SIAE: variants seen among roughly 807,000 people sequenced by gnomAD.
The protein encoded by SIAE is sialic acid acetylesterase.
SIAE carries 39 observed loss-of-function variants against 52.6 expected under a neutral mutation model. The observed-to-expected ratio is 0.74, with a 90% CI of 0.57 to 0.97. The LOEUF is 0.97. SIAE is among the 50% of genes least tolerant of loss of function. The pLI is 0.00. For synonymous variants in SIAE, 233 were observed against 241.4 expected, an observed-to-expected ratio of 0.97 and a Z score of 0.32; for missense variants, 592 against 662.1, an observed-to-expected ratio of 0.89 and a Z score of 1.16.
At position 124,660,688 on chromosome 11, in the gene SIAE, G is replaced by T. The variant is rs1565416173; in HGVS notation, c.345C>A (p.Val115=). The T allele has an allele frequency of 6.2e-7, 1 of 1,614,140 alleles. No homozygotes were observed. Among genetic ancestry groups the T allele is most frequent in the South Asian group, 1.1e-5 (1 of 91,074 alleles). ...KINFTLRVHD[V]LFGDVWLCSG... ...TACAGAGCCAGACATCTCCAAACAG[G>T]ACGTCATGAACTCTCAGGGTGAAGT... is the stretch of plus-strand genomic sequence containing the variant. The change falls in exon 3 of 10, where the codon GTC becomes GTA. Residue 115 remains valine (V), a synonymous_variant. Coordinates refer to ENST00000263593, the MANE Select transcript of SIAE (RefSeq NM_170601.5).
chr11:124,669,344 A>C lies in SIAE; in HGVS notation c.229+16T>G, dbSNP rs749500359. ...CAGAAGAGGGCAATAGCTGAACGGA[A>C]GATGGGCTGCCTTACCTTTCACACT... On this transcript the variant is annotated intron_variant, in intron 2 of 9. Transcript: ENST00000263593. The C allele has an allele frequency of 2.0e-5, 33 of 1,613,962 alleles. No homozygotes were observed. Among genetic ancestry groups the C allele is most frequent in the Non-Finnish European group, 2.7e-5 (32 of 1,179,956 alleles).
At chr11:124,655,562 C>T (rs949089926) in intron 3 of SIAE, among the ~76,000 whole-genome samples, 7 of 152,102 alleles carry the variant, frequency 4.6e-5, no homozygotes, top group African/African-American at 1.7e-4. Context: ...CCATACCACA[C>T]AAGAGAAGCA....
At chr11:124,638,819 G>A in intron 8 of SIAE, 82 bp from the exon 9 acceptor site, 1 of 1,087,688 alleles carries the variant, frequency 9.2e-7, no homozygotes, top group Non-Finnish European at 1.4e-6. Context: ...ATTATACAAA[G>A]CACCCTTTAT....
At position 124,635,828 on chromosome 11, in the gene SIAE, C is replaced by G. The variant is rs1942720751; in HGVS notation, c.*1123G>C. On this transcript the variant is annotated 3_prime_UTR_variant, in exon 10 of 10. Coordinates refer to ENST00000263593, the MANE Select transcript of SIAE (RefSeq NM_170601.5). ...TTATGCTTTTATTTATTTCCAACTT[C>G]TTATAGGTAACATAATTTTCAGACA... 1 of 152,148 alleles carries G rather than the reference C, an allele frequency of 6.6e-6. No homozygotes were observed. Among genetic ancestry groups the G allele is most frequent in the Non-Finnish European group, 1.5e-5 (1 of 68,026 alleles). The allele number at this position is 152,148 out of a possible 1,614,324, so 9.4% of individuals were successfully genotyped here. A position where few individuals can be genotyped will look rare whatever the true frequency, so the allele number is the denominator to read the frequency against.
upstream of SIAE, chr11:124,675,436 A>T (rs770934856): frequency 3.2e-5 from 51 of 1,599,602 alleles, no homozygotes; most frequent in Non-Finnish European, 4.3e-5. Context: ...TTCTAAAATT[A>T]GTCATTTTTT....
rs747856625 is a variant in SIAE at position 124,647,361 on chromosome 11, G to T, written c.966+4C>A. Reference sequence around the variant, plus strand: ...GAACAGAGAAGCCTTTACCCACATCGTACCTGGACAAGTCCAAATGGGAAG... The same window carrying T: ...GAACAGAGAAGCCTTTACCCACATCTTACCTGGACAAGTCCAAATGGGAAG... On this transcript the variant is annotated splice_donor_region_variant and intron_variant, in intron 7 of 9. Coordinates refer to ENST00000263593, the MANE Select transcript of SIAE (RefSeq NM_170601.5). 2 of 1,614,130 alleles carry T rather than the reference G, an allele frequency of 1.2e-6. No homozygotes were observed. The highest frequency in any genetic ancestry group is 2.2e-5 in the South Asian group (2 of 91,078).
chr11:124,647,268 C>A, intron 7 of SIAE, 97 bp downstream of exon 7: 12 of 1,531,984 alleles, frequency 7.8e-6, no homozygotes, highest in Non-Finnish European at 1.1e-5. Flanking sequence ...GAAAGAGATC[C>A]AAATAGCACA....
intron 7 of SIAE, 101 bp from the exon 8 acceptor site, chr11:124,639,968 T>C: frequency 7.3e-7 from 1 of 1,362,024 alleles, no homozygotes; most frequent in Non-Finnish European, 1.0e-6. Context: ...TGCATTTAAA[T>C]GCTCATTCAA....
rs1242448289 is a variant in SIAE, at chr11:124,639,753, C to T, written c.1081G>A (p.Ala361Thr). 7 of 1,614,068 alleles carry T rather than the reference C, an allele frequency of 4.3e-6. No individual in the cohort carries two copies. The highest frequency in any genetic ancestry group is 5.9e-6 in the Non-Finnish European group (7 of 1,180,028). Reference sequence around the variant, plus strand: ...CTATCACAGAGATCCATAGCTACAGCCATGAAAGTATTGGGCATCTTTGGG... The same window carrying T: ...CTATCACAGAGATCCATAGCTACAGTCATGAAAGTATTGGGCATCTTTGGG... Reference protein sequence around the residue: ...PNPKMPNTFMAVAMDLCDRDS... With the variant: ...PNPKMPNTFMTVAMDLCDRDS... The change falls in exon 8 of 10, where the codon GCT becomes ACT. Residue 361 changes from alanine to threonine, a missense_variant. Coordinates refer to ENST00000263593, the MANE Select transcript of SIAE (RefSeq NM_170601.5).
chr11:124,660,826 A>G, intron 2 of SIAE, 23 bp from the exon 3 acceptor site: 1 of 1,613,066 alleles, frequency 6.2e-7, no homozygotes, highest in South Asian at 1.1e-5. Flanking sequence ...CAGGACTCCA[A>G]GGAATTAATC....
Position 124,669,341 on chromosome 11 carries a change from G to A in SIAE, c.229+19C>T, listed in dbSNP as rs80315344. 8,825 of 1,613,936 alleles carry A rather than the reference G, an allele frequency of 5.5e-3. 380 individuals are homozygous for A. The East Asian group carries it at 0.12, about 22-fold the overall frequency. ...TGGCAGAAGAGGGCAATAGCTGAAC[G>A]GAAGATGGGCTGCCTTACCTTTCAC... On this transcript the variant is annotated intron_variant, in intron 2 of 9. Coordinates refer to ENST00000263593, the MANE Select transcript of SIAE (RefSeq NM_170601.5).
intron 2 of SIAE, among the ~76,000 whole-genome samples, chr11:124,668,673 A>G (rs777264019): frequency 1.3e-5 from 2 of 152,214 alleles, no homozygotes; most frequent in Non-Finnish European, 2.9e-5. Flanking sequence ...TGGAGATGTT[A>G]TATTACATGT....
At chr11:124,658,262 A>ACACACAC (rs750343749) in intron 3 of SIAE, among the ~76,000 whole-genome samples, 4 of 150,972 alleles carry the variant, frequency 2.6e-5, no homozygotes, top group African/African-American at 9.9e-5. Context: ...ACACACACAC[A>ACACACAC]GAAGGACAGA....
rs535844068 is a variant in SIAE at position 124,654,686 on chromosome 11, C to T, written c.513G>A (p.Ala171=). The T allele has an allele frequency of 8.0e-5, 129 of 1,614,142 alleles. 2 individuals are homozygous for T. In the South Asian group the frequency reaches 1.2e-3, roughly 15 times the overall value. ...QAEQELEDLV[A]VDLQWSKPTS... ...TGGGCTTAGACCACTGCAAGTCAACCGCAACAAGGTCCTCCAGCTCCTGCT... is the reference window on the plus strand; with the variant it reads ...TGGGCTTAGACCACTGCAAGTCAACTGCAACAAGGTCCTCCAGCTCCTGCT... The change falls in exon 4 of 10, where the codon GCG becomes GCA. Residue 171 remains alanine (A), a synonymous_variant. Transcript: ENST00000263593.
At position 124,634,384 on chromosome 11, in the gene SIAE, A is replaced by T. The variant is rs1221959706; in HGVS notation, c.*2567T>A. The T allele has an allele frequency of 6.6e-6, 1 of 152,106 alleles. No homozygotes were observed. Among genetic ancestry groups the T allele is most frequent in the East Asian group, 1.9e-4 (1 of 5,190 alleles). The allele number at this position is 152,106 out of a possible 1,614,324, so 9.4% of individuals were successfully genotyped here. On this transcript the variant is annotated 3_prime_UTR_variant, in exon 10 of 10. Coordinates refer to ENST00000263593, the MANE Select transcript of SIAE (RefSeq NM_170601.5). ...AAAAACACTGCCTTAGTATACTTAA[A>T]CTATCTTTTCATCTATCAGATTGTT... is the stretch of plus-strand genomic sequence containing the variant.
At position 124,636,730 on chromosome 11, in the gene SIAE, A is replaced by G. The variant is rs2134348235; in HGVS notation, c.*221T>C. On this transcript the variant is annotated 3_prime_UTR_variant, in exon 10 of 10. Coordinates refer to ENST00000263593, the MANE Select transcript of SIAE (RefSeq NM_170601.5). The stretch of plus-strand genomic sequence containing the variant: ...TTGTCTGTAGTTCAGAATTAGTCCA[A>G]TACAGACCCTTAGACCAACTAGGGA... 1.6e-6 allele frequency: 1 copy of G among 620,946 alleles called. No homozygotes were observed. Among genetic ancestry groups the G allele is most frequent in the South Asian group, 2.0e-5 (1 of 51,166 alleles). The allele number at this position is 620,946 out of a possible 1,614,324, so 38.5% of individuals were successfully genotyped here.
intron 9 of SIAE, among the ~76,000 whole-genome samples, chr11:124,637,631 A>G (rs752112385): frequency 6.6e-6 from 1 of 152,114 alleles, no homozygotes; most frequent in Admixed American, 6.6e-5. Context: ...AAGATACAAA[A>G]CCTTTCTCAA....
intron 8 of SIAE, among the ~76,000 whole-genome samples, chr11:124,639,167 A>C (rs1184997733): frequency 6.6e-6 from 1 of 152,220 alleles, no homozygotes; most frequent in Non-Finnish European, 1.5e-5. Context: ...CCTATAATCC[A>C]GACACTGTGT....
intron 9 of SIAE, 44 bp from the exon 10 acceptor site, chr11:124,637,246 T>G (rs746883032): frequency 6.2e-7 from 1 of 1,613,118 alleles, no homozygotes; most frequent in Non-Finnish European, 8.5e-7. Flanking sequence ...GTCAGAAGGG[T>G]CTTCCAAGAA....
Sources: gnomAD v4.1 joint callset for allele counts (sites outside exome capture counted in the v4.1 genomes callset) on GRCh38, gnomAD v4.1.1 for gene constraint, MANE v1.5 for transcripts, NCBI Gene and HGNC (gene_info 2026-07-23, HGNC 2026-07-21) for gene names.